The following MERTK variants were observed in gnomAD, a reference collection of about 807,000 sequenced individuals.
MERTK encodes MER proto-oncogene, tyrosine kinase.
MERTK carries 69 observed loss-of-function variants against 99.3 expected under a neutral mutation model. The observed-to-expected ratio is 0.70, with a 90% CI of 0.57 to 0.85. MERTK has a LOEUF of 0.85. Ranked by LOEUF, MERTK falls within the 40% of genes least tolerant of loss-of-function variation. MERTK has a pLI of 0.00. For synonymous variants in MERTK, 426 were observed against 467.6 expected (o/e 0.91, Z 1.15); for missense variants, 1,125 against 1,249.4 (o/e 0.90, Z 1.50).
chr2:111,967,381 G>A (rs1249089106), intron 5 of MERTK, among the ~76,000 whole-genome samples: 1 of 152,186 alleles, frequency 6.6e-6, no homozygotes, highest in East Asian at 1.9e-4. Flanking sequence ...GGAAGTGTTA[G>A]CCTTCATTTT....
At chr2:112,007,663 C>T (rs896870741) in intron 13 of MERTK, among the ~76,000 whole-genome samples, 1 of 152,138 alleles carries the variant, frequency 6.6e-6, no homozygotes, top group Non-Finnish European at 1.5e-5. Context: ...TTAAATGTCT[C>T]TCTCTTAAGC....
At chr2:111,975,256 A>G (rs1053719635) in intron 6 of MERTK, 33 bp from the exon 7 acceptor site, 1 of 1,611,052 alleles carries the variant, frequency 6.2e-7, no homozygotes, top group Admixed American at 1.7e-5. Context: ...CCACCTTACT[A>G]ATGCCCGGTC....
chr2:111,936,787 C>T (rs939968820), intron 2 of MERTK, among the ~76,000 whole-genome samples: 3 of 152,162 alleles, frequency 2.0e-5, no homozygotes, highest in African/African-American at 7.2e-5. Flanking sequence ...TCCGTTTGTC[C>T]AGGTTCCAGG....
chr2:111,972,019 CATTT>C (rs1451629241), intron 6 of MERTK, among the ~76,000 whole-genome samples: 2 of 152,114 alleles, frequency 1.3e-5, no homozygotes, highest in Non-Finnish European at 2.9e-5. Context: ...TAGAGGTAGA[CATTT>C]ATTTATTTGT....
rs146396462 is a variant in MERTK at position 111,954,011 on chromosome 2, G to C, written c.757+6444G>C. On this transcript the variant is annotated intron_variant, in intron 4 of 18. Coordinates refer to ENST00000295408, the MANE Select transcript of MERTK (RefSeq NM_006343.3). ...TCTTACCTGTGGTCCAATCTTTCTC[G>C]TTCTCATCCCCCTACCCCACCACCA... Among the ~76,000 whole-genome samples the C allele has an allele frequency of 8.1e-3, 1,240 of 152,218 alleles. 6 individuals carry two copies. Among genetic ancestry groups the C allele is most frequent in the Non-Finnish European group, 0.013 (870 of 68,028 alleles).
At chr2:111,928,372 C>T (rs1417630924) in intron 1 of MERTK, among the ~76,000 whole-genome samples, 5 of 151,486 alleles carry the variant, frequency 3.3e-5, no homozygotes, top group East Asian at 1.9e-4. Context: ...ACTACAGATG[C>T]ATGCCAACAC....
chr2:112,020,683 G>A (rs1677323200), intron 16 of MERTK: 1 of 471,084 alleles, frequency 2.1e-6, no homozygotes, highest in South Asian at 1.5e-5. Context: ...CAAACTCTCA[G>A]GGGGCTTACT....
At chr2:111,931,280 A>G (rs1352249113) in intron 2 of MERTK, among the ~76,000 whole-genome samples, 3 of 152,006 alleles carry the variant, frequency 2.0e-5, no homozygotes, top group Non-Finnish European at 4.4e-5. Context: ...TGCAACTTCC[A>G]CATTACTCTG....
At chr2:112,012,566 C>T (rs1677128701) in intron 15 of MERTK, among the ~76,000 whole-genome samples, 1 of 152,150 alleles carries the variant, frequency 6.6e-6, no homozygotes, top group Non-Finnish European at 1.5e-5. Context: ...CGTATCCATC[C>T]TCAGGATCAG....
chr2:112,020,991 C>T lies in MERTK; in HGVS notation c.2190-431C>T, dbSNP rs1169576624. On this transcript the variant is annotated intron_variant, in intron 16 of 18. Transcript: ENST00000295408. The stretch of plus-strand genomic sequence containing the variant: ...GGCAGATCACTTGAGATCAGGAGTC[C>T]GAGACCAGCCTGGCCAACATGGTGA... Among the ~76,000 whole-genome samples, 3 of 150,140 alleles carry T rather than the reference C, an allele frequency of 2.0e-5. 1 individual carries two copies. The highest frequency in any genetic ancestry group is 6.6e-5 in the Admixed American group (1 of 15,046).
At chr2:111,932,233 G>T (rs186446441) in intron 2 of MERTK, among the ~76,000 whole-genome samples, 1,573 of 152,302 alleles carry the variant, frequency 0.01, 8 homozygotes, top group Non-Finnish European at 0.016. Flanking sequence ...CCAGGCTGGA[G>T]TGCAGTGGCG....
At chr2:111,958,263 A>T (rs1182285063) in intron 4 of MERTK, among the ~76,000 whole-genome samples, 4 of 152,152 alleles carry the variant, frequency 2.6e-5, no homozygotes, top group Non-Finnish European at 5.9e-5. Flanking sequence ...TGGGGCTGTA[A>T]ATGTCAAGGT....
At chr2:111,987,329 A>G (rs757401438) in intron 8 of MERTK, among the ~76,000 whole-genome samples, 3 of 152,216 alleles carry the variant, frequency 2.0e-5, no homozygotes, top group Non-Finnish European at 4.4e-5. Flanking sequence ...TCTTTACTGA[A>G]TGGATATTTA....
intron 1 of MERTK, among the ~76,000 whole-genome samples, chr2:111,901,435 C>G (rs746636185): frequency 1.7e-4 from 26 of 151,990 alleles, no homozygotes; most frequent in Admixed American, 3.9e-4. Context: ...TGCTTGTGGG[C>G]TTTATTCCAA....
intron 4 of MERTK, among the ~76,000 whole-genome samples, chr2:111,953,897 C>T (rs1341701033): frequency 6.6e-6 from 1 of 152,144 alleles, no homozygotes; most frequent in Non-Finnish European, 1.5e-5. Flanking sequence ...TCTCAAATGT[C>T]AATTGTGCTC....
intron 2 of MERTK, among the ~76,000 whole-genome samples, chr2:111,932,666 A>G (rs945378009): frequency 6.6e-6 from 1 of 152,212 alleles, no homozygotes; most frequent in African/African-American, 2.4e-5. Context: ...TTAACAGTTA[A>G]AGATGGGTTT....
chr2:111,945,882 G>A (rs1453750784), intron 3 of MERTK, among the ~76,000 whole-genome samples: 4 of 152,316 alleles, frequency 2.6e-5, no homozygotes, highest in Non-Finnish European at 5.9e-5. Context: ...CCTCTCTGAG[G>A]TGCCCCTCTT....
intron 1 of MERTK, among the ~76,000 whole-genome samples, chr2:111,915,574 A>T (rs575536851): frequency 1.1e-3 from 35 of 32,506 alleles, no homozygotes; most frequent in African/African-American, 3.7e-3. Context: ...ATTTTTTAAA[A>T]TTTTTTTCTT....
At chr2:112,019,031 C>T (rs1439151607) in intron 15 of MERTK, among the ~76,000 whole-genome samples, 1 of 152,074 alleles carries the variant, frequency 6.6e-6, no homozygotes, top group African/African-American at 2.4e-5. Context: ...CACACACACA[C>T]ACACCTCGCC....
Sources: allele counts gnomAD v4.1 joint callset (sites outside exome capture counted in the v4.1 genomes callset), GRCh38; gene constraint gnomAD v4.1.1; transcripts MANE v1.5; gene names NCBI Gene and HGNC (gene_info 2026-07-23, HGNC 2026-07-21).